Variants in AP3B1 observed in about 807,000 individuals in gnomAD.
AP3B1 encodes AP-3 complex subunit beta-1.
AP3B1 carries 61 observed loss-of-function variants against 132.5 expected under a neutral mutation model. The observed-to-expected ratio is 0.46, with a 90% CI of 0.37 to 0.57. AP3B1 has a LOEUF of 0.57. AP3B1 is among the 20% of genes least tolerant of loss of function. The pLI is 0.00. For synonymous variants in AP3B1, 388 were observed against 438.3 expected (o/e 0.89, Z 1.43); for missense variants, 1,120 against 1,289.4 (o/e 0.87, Z 2.01).
chr5:78,252,005 T>G (rs750996504), intron 2 of AP3B1, among the ~76,000 whole-genome samples: 7 of 152,084 alleles, frequency 4.6e-5, no homozygotes, highest in Non-Finnish European at 8.8e-5. Context: ...CACAGCAGGA[T>G]AGGGCACCGG....
At chr5:78,250,313 G>GA (rs1416999743) in intron 2 of AP3B1, among the ~76,000 whole-genome samples, 2 of 151,970 alleles carry the variant, frequency 1.3e-5, no homozygotes, top group African/African-American at 2.4e-5. Context: ...AAAAATAAAG[G>GA]AAAAAACAGA....
intron 7 of AP3B1, among the ~76,000 whole-genome samples, chr5:78,182,261 C>T (rs1744404239): frequency 3.3e-5 from 5 of 152,118 alleles, no homozygotes; most frequent in Non-Finnish European, 7.4e-5. Flanking sequence ...ATTTAGTGCT[C>T]AAAACAAACA....
intron 3 of AP3B1, among the ~76,000 whole-genome samples, chr5:78,238,630 C>T (rs1746983947): frequency 6.6e-6 from 1 of 151,604 alleles, no homozygotes; most frequent in Non-Finnish European, 1.5e-5. Flanking sequence ...AGAAAAAGTA[C>T]AGTAAAAATA....
chr5:78,039,116 T>C lies in AP3B1; in HGVS notation c.2736A>G (p.Arg912=), dbSNP rs1395177763. The change falls in exon 23 of 27, where the codon CGA becomes CGG. Residue 912 remains arginine, a synonymous_variant. Transcript: ENST00000255194. ...IQITLNNTTD[R]KIENIHIGEK... ...CCCCTATGTGGATATTTTCTATCTT[T>C]CGATCAGTAGTGTTATTCAGTGTTA... 6.2e-7 allele frequency: 1 copy of C among 1,613,672 alleles called. No individual in the cohort carries two copies. Among genetic ancestry groups the C allele is most frequent in the African/African-American group, 1.3e-5 (1 of 74,930 alleles).
chr5:78,160,120 T>C lies in AP3B1; in HGVS notation c.1363+2699A>G, dbSNP rs556303257. On this transcript the variant is annotated intron_variant, in intron 13 of 26. Transcript: ENST00000255194. ...TGGGAAGACTATAATATATTTGTCTTATATTACTATCTCCCTCCAATGGAC... is the reference window on the plus strand; with the variant it reads ...TGGGAAGACTATAATATATTTGTCTCATATTACTATCTCCCTCCAATGGAC... Among the ~76,000 whole-genome samples, 5 of 152,300 alleles carry C rather than the reference T, an allele frequency of 3.3e-5. No homozygotes were observed. In the South Asian group the frequency reaches 1.0e-3, roughly 32 times the overall value.
intron 15 of AP3B1, among the ~76,000 whole-genome samples, chr5:78,132,757 T>G (rs370973913): frequency 6.6e-6 from 1 of 152,194 alleles, no homozygotes; most frequent in African/African-American, 2.4e-5. Context: ...GTGTGGTCAA[T>G]GAGATCACCA....
intron 7 of AP3B1, among the ~76,000 whole-genome samples, chr5:78,193,660 A>T (rs1277875489): frequency 2.1e-5 from 3 of 146,328 alleles, no homozygotes; most frequent in Non-Finnish European, 4.5e-5. Context: ...AAATATATAC[A>T]TATTTATATA....
intron 22 of AP3B1, among the ~76,000 whole-genome samples, chr5:78,068,725 G>C (rs1239359556): frequency 6.6e-6 from 1 of 152,044 alleles, no homozygotes; most frequent in Non-Finnish European, 1.5e-5. Context: ...CAATTGAAAA[G>C]GAGGGATTCC....
intron 7 of AP3B1, among the ~76,000 whole-genome samples, chr5:78,192,833 T>C (rs1744900513): frequency 6.6e-6 from 1 of 152,164 alleles, no homozygotes; most frequent in African/African-American, 2.4e-5. Context: ...CATCTATCTA[T>C]GAACCAAGAA....
At chr5:78,178,736 C>T (rs748821894) in intron 8 of AP3B1, among the ~76,000 whole-genome samples, 2 of 152,132 alleles carry the variant, frequency 1.3e-5, no homozygotes, top group African/African-American at 2.4e-5. Flanking sequence ...AGAGACATAG[C>T]TACAGATGTT....
At chr5:78,155,217 C>T (rs995523514) in intron 14 of AP3B1, among the ~76,000 whole-genome samples, 2 of 152,176 alleles carry the variant, frequency 1.3e-5, no homozygotes, top group African/African-American at 4.8e-5. Flanking sequence ...GATTACCAGG[C>T]AGAGACTCTT....
chr5:78,196,574 C>T (rs1162304057), intron 7 of AP3B1, among the ~76,000 whole-genome samples: 1 of 152,062 alleles, frequency 6.6e-6, no homozygotes, highest in Admixed American at 6.5e-5. Context: ...CACATGGATA[C>T]AGCAGCTTTA....
chr5:78,128,232 G>A, intron 16 of AP3B1, 72 bp from the exon 17 acceptor site: 1 of 1,353,346 alleles, frequency 7.4e-7, no homozygotes, highest in Middle Eastern at 2.2e-4. Context: ...CATAATCAGA[G>A]CTCAAGGTAA....
At chr5:78,247,835 T>C (rs1387962065) in intron 2 of AP3B1, among the ~76,000 whole-genome samples, 2 of 152,208 alleles carry the variant, frequency 1.3e-5, no homozygotes, top group African/African-American at 4.8e-5. Context: ...AATAGAATTA[T>C]TAACATGGTT....
chr5:78,126,736 T>C (rs1013654717), intron 17 of AP3B1, among the ~76,000 whole-genome samples: 1 of 152,138 alleles, frequency 6.6e-6, no homozygotes, highest in Non-Finnish European at 1.5e-5. Flanking sequence ...GTACTAAGGA[T>C]AATACAGATT....
intron 7 of AP3B1, among the ~76,000 whole-genome samples, chr5:78,209,095 TACACAC>T (rs141012498): frequency 2.0e-5 from 3 of 149,956 alleles, no homozygotes; most frequent in Admixed American, 6.6e-5. Context: ...GAAAGGTAAA[TACACAC>T]ACACACACAC....
chr5:78,083,024 C>T lies in AP3B1; in HGVS notation c.2577+6369G>A, dbSNP rs527533591. Among the ~76,000 whole-genome samples, 320 of 152,214 alleles carry T rather than the reference C, an allele frequency of 2.1e-3. 1 individual carries two copies. The highest frequency in any genetic ancestry group is 7.4e-3 in the African/African-American group (308 of 41,536). ...TAGAAACGGGGTTTCACCATGTTAG[C>T]CAGGCTGGTCTCGAACTCCTGACCT... On this transcript the variant is annotated intron_variant, in intron 22 of 26. Transcript: ENST00000255194.
intron 11 of AP3B1, among the ~76,000 whole-genome samples, chr5:78,171,074 T>C (rs1056997859): frequency 6.6e-6 from 1 of 152,210 alleles, no homozygotes; most frequent in Non-Finnish European, 1.5e-5. Context: ...GAGACTTCTG[T>C]TCTGTTCCAT....
intron 26 of AP3B1, among the ~76,000 whole-genome samples, chr5:78,003,295 C>T (rs1580226386): frequency 6.6e-6 from 1 of 152,164 alleles, no homozygotes; most frequent in Non-Finnish European, 1.5e-5. Flanking sequence ...AAAAGGAAGT[C>T]TATTTTACTT....
Sources: gnomAD v4.1 joint callset for allele counts (sites outside exome capture counted in the v4.1 genomes callset) on GRCh38, gnomAD v4.1.1 for gene constraint, MANE v1.5 for transcripts, NCBI Gene and HGNC (gene_info 2026-07-23, HGNC 2026-07-21) for gene names.